METTL24: variants seen among roughly 807,000 people sequenced by gnomAD.
The protein encoded by METTL24 is methyltransferase like 24.
In METTL24, 29 loss-of-function variants were observed where a neutral mutation model predicts 32.7. The ratio of observed to expected loss-of-function variants is 0.89; its 90% CI spans 0.66 to 1.21. The LOEUF (loss-of-function observed/expected upper bound fraction) is 1.21. METTL24 is among the 50% of genes most tolerant of loss of function. The probability of loss-of-function intolerance (pLI) is 0.00; values close to 1 mark genes in which losing one functional copy is unlikely to be tolerated. For synonymous variants in METTL24, 163 were observed against 179.5 expected (o/e 0.91, Z 0.73); for missense variants, 439 against 468.1 (o/e 0.94, Z 0.57).
At chr6:110,317,226 A>C (rs1771836116) in intron 2 of METTL24, among the ~76,000 whole-genome samples, 2 of 152,240 alleles carry the variant, frequency 1.3e-5, no homozygotes, top group Admixed American at 1.3e-4. Flanking sequence ...AAATAATCAG[A>C]GAAAATGGAA....
At chr6:110,323,529 G>A (rs972399053) in intron 1 of METTL24, among the ~76,000 whole-genome samples, 2 of 152,132 alleles carry the variant, frequency 1.3e-5, no homozygotes, top group Non-Finnish European at 2.9e-5. Context: ...AGGATGACCC[G>A]CTCAGCCCCC....
At chr6:110,253,822 A>G (rs931115355) in intron 4 of METTL24, 69 of 1,252,342 alleles carry the variant, frequency 5.5e-5, no homozygotes, top group Non-Finnish European at 6.6e-5. Context: ...GCTTTTTAAC[A>G]TAACAGACTA....
intron 1 of METTL24, among the ~76,000 whole-genome samples, chr6:110,344,043 C>T (rs1458193171): frequency 6.6e-6 from 1 of 152,168 alleles, no homozygotes; most frequent in Non-Finnish European, 1.5e-5. Context: ...AGGGTGACCC[C>T]AGAAGCTGGA....
intron 1 of METTL24, among the ~76,000 whole-genome samples, chr6:110,328,830 T>G (rs1480651383): frequency 6.6e-6 from 1 of 152,214 alleles, no homozygotes; most frequent in Non-Finnish European, 1.5e-5. Context: ...AGCTATCGAT[T>G]CTGTGTTATG....
chr6:110,259,630 G>T (rs146628318), intron 4 of METTL24, among the ~76,000 whole-genome samples: 141 of 152,298 alleles, frequency 9.3e-4, no homozygotes, highest in African/African-American at 3.3e-3. Context: ...GGTTTTCCTA[G>T]CATGCAGCTT....
intron 4 of METTL24, among the ~76,000 whole-genome samples, chr6:110,255,340 C>G (rs1778362344): frequency 6.6e-6 from 1 of 152,088 alleles, no homozygotes; most frequent in Admixed American, 6.6e-5. Flanking sequence ...GCAAGAATCT[C>G]CTGAGCTGGG....
At chr6:110,353,774 T>C (rs1449133916) in intron 1 of METTL24, among the ~76,000 whole-genome samples, 4 of 152,140 alleles carry the variant, frequency 2.6e-5, no homozygotes, top group African/African-American at 7.2e-5. Context: ...GCCCTGTATG[T>C]TGCATCTGTC....
rs73537981 is a variant in METTL24 at position 110,244,820 on chromosome 6, C to T, written c.*1126G>A. ...ATTCAAGATGAGATTTGGTTGGGGA[C>T]GTAGCCAAACCATATTACTCATGGA... On this transcript the variant is annotated 3_prime_UTR_variant, in exon 5 of 5. Transcript: ENST00000338882. Among the ~76,000 whole-genome samples the T allele has an allele frequency of 0.03, 4,577 of 152,122 alleles. 259 individuals carry two copies. The highest frequency in any genetic ancestry group is 0.1 in the African/African-American group (4,244 of 41,466).
intron 3 of METTL24, among the ~76,000 whole-genome samples, chr6:110,305,739 T>C (rs1262833073): frequency 6.6e-6 from 1 of 152,026 alleles, no homozygotes; most frequent in African/African-American, 2.4e-5. Context: ...GAGTGTAAAT[T>C]AGTTCAACCA....
chr6:110,257,191 T>C (rs1169857687), intron 4 of METTL24, among the ~76,000 whole-genome samples: 1 of 152,102 alleles, frequency 6.6e-6, no homozygotes. Flanking sequence ...ATCTCAAATA[T>C]GTTTTCTAGT....
At chr6:110,299,259 C>A in intron 3 of METTL24, 109 bp from the exon 4 acceptor site, 1 of 938,954 alleles carries the variant, frequency 1.1e-6, no homozygotes, top group Non-Finnish European at 1.6e-6. Flanking sequence ...ATCAAGCCTT[C>A]TCCTGTTTTA....
intron 4 of METTL24, among the ~76,000 whole-genome samples, chr6:110,293,456 T>A (rs1161723862): frequency 6.6e-6 from 1 of 151,994 alleles, no homozygotes; most frequent in African/African-American, 2.4e-5. Context: ...TTACTTATTG[T>A]TTGATAGTTT....
At chr6:110,298,622 T>C (rs1771463513) in intron 4 of METTL24, among the ~76,000 whole-genome samples, 1 of 152,152 alleles carries the variant, frequency 6.6e-6, no homozygotes, top group Non-Finnish European at 1.5e-5. Context: ...AGTTGCCAAA[T>C]GAAAATGGTA....
chr6:110,264,249 T>G (rs944016505), intron 4 of METTL24, among the ~76,000 whole-genome samples: 5 of 151,998 alleles, frequency 3.3e-5, no homozygotes, highest in Non-Finnish European at 7.3e-5. Flanking sequence ...ATCCAGAATC[T>G]ACAAAGAACT....
chr6:110,327,291 C>T (rs560961651), intron 1 of METTL24, among the ~76,000 whole-genome samples: 1 of 152,326 alleles, frequency 6.6e-6, no homozygotes, highest in Non-Finnish European at 1.5e-5. Context: ...CCTGAGCTAA[C>T]ATACAAAAGT....
Position 110,358,149 on chromosome 6 carries a change from T to TG in METTL24, c.123dup (p.Thr42HisfsTer85), listed in dbSNP as rs1772738128. 1 of 1,177,060 alleles carries TG rather than the reference T, an allele frequency of 8.5e-7. No homozygotes were observed. Among genetic ancestry groups the TG allele is most frequent in the Non-Finnish European group, 1.0e-6 (1 of 954,510 alleles). The allele number at this position is 1,177,060 out of a possible 1,614,324, so 72.9% of individuals were successfully genotyped here. On this transcript the variant is annotated frameshift_variant, in exon 1 of 5. Coordinates refer to ENST00000338882, the MANE Select transcript of METTL24 (RefSeq NM_001123364.3). LOFTEE classifies it high-confidence loss of function. ...GCCGGGCCCGGCGGGGCGCTGCGGGTGGGGGACCCGGGCCCGGCGCGCCGC... is the reference window on the plus strand; with the variant it reads ...GCCGGGCCCGGCGGGGCGCTGCGGGTGGGGGGACCCGGGCCCGGCGCGCCGC...
At chr6:110,273,312 T>C (rs930197825) in intron 4 of METTL24, among the ~76,000 whole-genome samples, 12 of 152,118 alleles carry the variant, frequency 7.9e-5, no homozygotes, top group Non-Finnish European at 1.3e-4. Context: ...CAAATGGAGA[T>C]TTTAAGTGTT....
At chr6:110,267,757 G>A (rs1401449096) in intron 4 of METTL24, among the ~76,000 whole-genome samples, 3 of 152,212 alleles carry the variant, frequency 2.0e-5, no homozygotes, top group Non-Finnish European at 4.4e-5. Context: ...AGTTCTGCAG[G>A]CTGTACAAGC....
intron 1 of METTL24, among the ~76,000 whole-genome samples, chr6:110,329,502 G>A (rs1472666585): frequency 2.0e-5 from 3 of 150,586 alleles, no homozygotes; most frequent in African/African-American, 7.3e-5. Flanking sequence ...TTTTAGAGGG[G>A]GTGGGGGTGG....
Sources: allele counts gnomAD v4.1 joint callset (sites outside exome capture counted in the v4.1 genomes callset), GRCh38; gene constraint gnomAD v4.1.1; transcripts MANE v1.5; gene names NCBI Gene and HGNC (gene_info 2026-07-23, HGNC 2026-07-21).